The following ITGAL variants were observed in gnomAD, a reference collection of about 807,000 sequenced individuals.
The protein encoded by ITGAL is integrin alpha-L.
Under a neutral mutation model 138.4 loss-of-function variants are expected in ITGAL, and 68 were observed. The ratio of observed to expected loss-of-function variants is 0.49; its 90% CI spans 0.40 to 0.60. ITGAL has a LOEUF of 0.60. Ranked by LOEUF, ITGAL falls within the 20% of genes least tolerant of loss-of-function variation. ITGAL has a pLI of 0.00. For missense variants in ITGAL, 1,256 were observed against 1,478.6 expected, an observed-to-expected ratio of 0.85 and a Z score of 2.47; for synonymous variants, 561 against 584.3, an observed-to-expected ratio of 0.96 and a Z score of 0.57.
rs774381748 is a variant in ITGAL, at chr16:30,494,414, T to A, written c.1365+51T>A. The A allele has an allele frequency of 6.5e-7, 1 of 1,536,658 alleles. No homozygotes were observed. The highest frequency in any genetic ancestry group is 2.0e-5 in the Admixed American group (1 of 51,232). ...AGACCAGGGACTGGCGGGACACACA[T>A]CACACTCCCTTCTGTCCTTTGAATG... On this transcript the variant is annotated intron_variant, in intron 12 of 30. Transcript: ENST00000356798. This position sits in a 1 kb window ranked among gnomAD's most constrained non-coding sequence, Gnocchi z 4.2.
intron 21 of ITGAL, chr16:30,509,465 C>G (rs1041445143): frequency 1.3e-5 from 2 of 152,140 alleles, no homozygotes; most frequent in Non-Finnish European, 1.5e-5. Context: ...TTAAAAACTT[C>G]ACGATAGTCT....
Position 30,519,923 on chromosome 16 carries a change from G to T in ITGAL, c.3295G>T (p.Gly1099Trp). ...CTACCTCTACGTGCTGAGCGGCATCGGGGGGCTGCTGCTGCTGCTGCTCAT... is the reference window on the plus strand; with the variant it reads ...CTACCTCTACGTGCTGAGCGGCATCTGGGGGCTGCTGCTGCTGCTGCTCAT... ...MLYLYVLSGIGGLLLLLLIFI... is the reference protein window; with the variant it reads ...MLYLYVLSGIWGLLLLLLIFI... Residue 1099 changes from glycine to tryptophan, a missense_variant, in exon 30 of 31, where the codon GGG (glycine) becomes TGG (tryptophan). Around this residue, in one of 3 missense-constraint regions of ITGAL, gnomAD observed 867 missense variants for 972.5 expected, o/e 0.89. Coordinates refer to ENST00000356798, the MANE Select transcript of ITGAL (RefSeq NM_002209.3). The T allele has an allele frequency of 6.2e-7, 1 of 1,613,492 alleles. No individual in the cohort carries two copies.
At chr16:30,495,554 G>A (rs2050787825) in intron 13 of ITGAL, among the ~76,000 whole-genome samples, 1 of 152,158 alleles carries the variant, frequency 6.6e-6, no homozygotes, top group African/African-American at 2.4e-5. Flanking sequence ...AATCCCTGGG[G>A]TGCGGTGGCT....
Position 30,494,902 on chromosome 16 carries a change from G to C in ITGAL, c.1503+52G>C, listed in dbSNP as rs187112828. The C allele has an allele frequency of 6.6e-7, 1 of 1,525,232 alleles. No homozygotes were observed. The highest frequency in any genetic ancestry group is 8.9e-7 in the Non-Finnish European group (1 of 1,129,366). The allele number at this position is 1,525,232 out of a possible 1,614,324, so 94.5% of individuals were successfully genotyped here. On this transcript the variant is annotated intron_variant, in intron 13 of 30. Transcript: ENST00000356798. This position sits in a 1 kb window ranked among gnomAD's most constrained non-coding sequence, Gnocchi z 4.2. ...GGAGGAGGGAGAGCAGCAGAGATTC[G>C]CAGCTCCCAGTTATTCTGAAGGCTT...
At chr16:30,497,366 G>T (rs890925009) in intron 15 of ITGAL, among the ~76,000 whole-genome samples, 2 of 151,976 alleles carry the variant, frequency 1.3e-5, no homozygotes, top group African/African-American at 2.4e-5. Context: ...GATTAACAGG[G>T]TGTGGTGGCT....
chr16:30,474,310 C>T lies in ITGAL; in HGVS notation c.164+12C>T. Reference sequence around the variant, plus strand: ...CAGGTCGGAAACGGGTGAGCTGTGCCCCACAAGTCCTCCTCCTGATGCCCG... The same window carrying T: ...CAGGTCGGAAACGGGTGAGCTGTGCTCCACAAGTCCTCCTCCTGATGCCCG... On this transcript the variant is annotated intron_variant, in intron 2 of 30. Transcript: ENST00000356798. 3.8e-6 allele frequency: 6 copies of T among 1,576,434 alleles called. No individual in the cohort carries two copies. Among genetic ancestry groups the T allele is most frequent in the Non-Finnish European group, 5.2e-6 (6 of 1,155,410 alleles).
chr16:30,518,410 C>G (rs1003848097), intron 28 of ITGAL, among the ~76,000 whole-genome samples: 4 of 150,678 alleles, frequency 2.7e-5, no homozygotes, highest in Admixed American at 2.6e-4. Context: ...GATGGCACCA[C>G]TGCACTCCAG....
intron 29 of ITGAL, among the ~76,000 whole-genome samples, chr16:30,519,201 C>T (rs368198652): frequency 6.6e-6 from 1 of 151,952 alleles, no homozygotes; most frequent in Non-Finnish European, 1.5e-5. Context: ...CCAACCTGGG[C>T]GACAGAGTGA....
intron 11 of ITGAL, among the ~76,000 whole-genome samples, chr16:30,490,550 T>C (rs769763375): frequency 5.7e-4 from 87 of 152,310 alleles, no homozygotes; most frequent in Admixed American, 4.3e-3. Context: ...TGTTTCCCTC[T>C]CTGGCCCTGC....
At chr16:30,484,310 A>T in intron 9 of ITGAL, 47 bp downstream of exon 9, 1 of 1,579,244 alleles carries the variant, frequency 6.3e-7, no homozygotes, top group East Asian at 2.3e-5. Flanking sequence ...GCATAAAGAA[A>T]TTCCCCTGGG....
intron 11 of ITGAL, among the ~76,000 whole-genome samples, chr16:30,491,582 T>A (rs2050724426): frequency 6.6e-6 from 1 of 152,028 alleles, no homozygotes; most frequent in South Asian, 2.1e-4. Flanking sequence ...GCATTTTATA[T>A]ACATGTCTTA....
intron 11 of ITGAL, among the ~76,000 whole-genome samples, chr16:30,490,989 G>A (rs1051800258): frequency 7.3e-5 from 11 of 149,664 alleles, no homozygotes; most frequent in African/African-American, 2.2e-4. Context: ...AAAAAAATTA[G>A]TTGGGCATGG....
chr16:30,517,129 T>C, intron 26 of ITGAL, 43 bp downstream of exon 26: 1 of 1,331,492 alleles, frequency 7.5e-7, no homozygotes, highest in Non-Finnish European at 1.1e-6. Flanking sequence ...TCCTCAGGTC[T>C]TGGGGGTGAG....
chr16:30,511,006 C>T (rs375779701), intron 23 of ITGAL, 44 bp from the exon 24 acceptor site: 1 of 1,610,238 alleles, frequency 6.2e-7, no homozygotes, highest in Non-Finnish European at 8.5e-7. Context: ...CAGACCTGGC[C>T]AAGCCCTTCT....
At chr16:30,478,925 G>A (rs1185989736) in intron 4 of ITGAL, among the ~76,000 whole-genome samples, 166 bp from the exon 5 acceptor site, 1 of 152,050 alleles carries the variant, frequency 6.6e-6, no homozygotes, top group African/African-American at 2.4e-5. Flanking sequence ...TGGGAGGGAT[G>A]GACAGTAGAG....
intron 1 of ITGAL, among the ~76,000 whole-genome samples, chr16:30,473,463 T>G: frequency 6.6e-6 from 1 of 152,034 alleles, no homozygotes; most frequent in East Asian, 1.9e-4. Flanking sequence ...AGGCAGATAG[T>G]TATTGAGTAG....
At chr16:30,503,912 G>A (rs753915700) in intron 17 of ITGAL, 3 of 313,832 alleles carry the variant, frequency 9.6e-6, no homozygotes, top group African/African-American at 4.3e-5. Context: ...CTTCAGTTAG[G>A]ACACAGTGGG....
chr16:30,491,196 T>G (rs1235393297), intron 11 of ITGAL, among the ~76,000 whole-genome samples: 1 of 150,936 alleles, frequency 6.6e-6, no homozygotes, highest in Non-Finnish European at 1.5e-5. Flanking sequence ...AGGTCAGGAG[T>G]TCGAGACCAG....
intron 26 of ITGAL, 33 bp from the exon 27 acceptor site, chr16:30,517,616 G>T: frequency 6.3e-7 from 1 of 1,596,192 alleles, no homozygotes; most frequent in Non-Finnish European, 8.6e-7. Flanking sequence ...GGGTTGGGGA[G>T]GCTCTAACTG....
Sources: gnomAD v4.1 joint callset for allele counts (sites outside exome capture counted in the v4.1 genomes callset) on GRCh38, gnomAD v4.1.1 for gene constraint, gnomAD v4.1.1 regional missense constraint, Gnocchi (gnomAD v3.1) non-coding constraint, MANE v1.5 for transcripts, NCBI Gene and HGNC (gene_info 2026-07-23, HGNC 2026-07-21) for gene names.